Variants in PTBP3 observed in about 807,000 individuals in gnomAD.
PTBP3 encodes the protein polypyrimidine tract-binding protein 3.
In PTBP3, 20 loss-of-function variants were observed where a neutral mutation model predicts 58.7. That is an observed-to-expected ratio of 0.34 (90% CI 0.24 to 0.50). The LOEUF is 0.50. PTBP3 is among the 20% of genes least tolerant of loss of function. The probability of loss-of-function intolerance (pLI) is 0.98; values close to 1 mark genes in which losing one functional copy is unlikely to be tolerated. For missense variants in PTBP3, 509 were observed against 637.2 expected, an observed-to-expected ratio of 0.80 and a Z score of 2.17; for synonymous variants, 185 against 219.8, an observed-to-expected ratio of 0.84 and a Z score of 1.40.
chr9:112,356,790 G>A, the PTBP3 span, among the ~76,000 whole-genome samples: 1 of 22,384 alleles, frequency 4.5e-5, no homozygotes, highest in African/African-American at 2.6e-4. Context: ...AGACAATTGC[G>A]TGTGCGCACA....
intron 2 of PTBP3, among the ~76,000 whole-genome samples, chr9:112,280,204 A>C (rs760968711): frequency 1.3e-5 from 2 of 151,984 alleles, no homozygotes; most frequent in Non-Finnish European, 2.9e-5. Flanking sequence ...ATAGGTGCAC[A>C]CCACCACGCC....
At chr9:112,218,051 CA>C (rs1199976000), downstream of PTBP3, 3 of 152,076 alleles carry the variant, frequency 2.0e-5, no homozygotes, top group Admixed American at 6.5e-5. Flanking sequence ...AAATACTGAA[CA>C]AAACTGGAAA....
At chr9:112,306,604 A>ATATATAT (rs1341386115) in intron 1 of PTBP3, among the ~76,000 whole-genome samples, 3 of 104,040 alleles carry the variant, frequency 2.9e-5, no homozygotes, top group South Asian at 2.8e-4. Context: ...ATATATATAT[A>ATATATAT]TTTTTGTTTG....
intron 7 of PTBP3, among the ~76,000 whole-genome samples, chr9:112,249,643 A>G (rs1435273395): frequency 6.6e-6 from 1 of 152,130 alleles, no homozygotes; most frequent in Non-Finnish European, 1.5e-5. Flanking sequence ...CATTAATGAG[A>G]AAGGATATGA....
chr9:112,318,434 A>T (rs557391746), intron 1 of PTBP3, among the ~76,000 whole-genome samples: 1 of 152,340 alleles, frequency 6.6e-6, no homozygotes, highest in Admixed American at 6.5e-5. Context: ...GAAAACAACA[A>T]AACAACATTG....
In PTBP3 at chr9:112,222,460, A is replaced by T; in HGVS notation, c.*1391T>A. On this transcript the variant is annotated 3_prime_UTR_variant, in exon 14 of 14. Transcript: ENST00000374257. ...AGAAAAACCAAGTAATCCTGAGACA[A>T]ATTCTGATGGGTGAAAAAGATGAAA... 1 of 985,572 alleles carries T rather than the reference A, an allele frequency of 1.0e-6. No homozygotes were observed. Among genetic ancestry groups the T allele is most frequent in the Non-Finnish European group, 1.2e-6 (1 of 829,926 alleles). 61.1% of individuals were successfully genotyped at this position (985,572 alleles called of 1,614,324 possible). A position where few individuals can be genotyped will look rare whatever the true frequency, so the allele number is the denominator to read the frequency against.
chr9:112,248,456 C>T (rs916537399), intron 7 of PTBP3, among the ~76,000 whole-genome samples: 1 of 151,652 alleles, frequency 6.6e-6, no homozygotes, highest in African/African-American at 2.4e-5. Context: ...ATGGGTGCAC[C>T]GAAATCTCAG....
intron 3 of PTBP3, among the ~76,000 whole-genome samples, chr9:112,273,498 C>T (rs1770546633): frequency 6.6e-6 from 1 of 152,162 alleles, no homozygotes; most frequent in South Asian, 2.1e-4. Flanking sequence ...TAAGAACATA[C>T]TCAATTTCTA....
At chr9:112,352,941 C>T in the PTBP3 span, among the ~76,000 whole-genome samples, 1 of 150,750 alleles carries the variant, frequency 6.6e-6, no homozygotes, top group African/African-American at 2.4e-5. Context: ...TCTGCTCTTT[C>T]CCAGGCTGGA....
intron 6 of PTBP3, among the ~76,000 whole-genome samples, chr9:112,251,690 T>C (rs558429777): frequency 1.3e-5 from 2 of 152,212 alleles, no homozygotes; most frequent in Admixed American, 6.5e-5. Context: ...ACCCCTTCCT[T>C]TGCAAGAATA....
chr9:112,374,462 A>G, the PTBP3 span, among the ~76,000 whole-genome samples: 2 of 152,126 alleles, frequency 1.3e-5, no homozygotes, highest in African/African-American at 4.8e-5. Context: ...GCTATGGGAG[A>G]AACAGTACCA....
the PTBP3 span, among the ~76,000 whole-genome samples, chr9:112,372,724 T>C: frequency 3.9e-5 from 6 of 152,188 alleles, no homozygotes; most frequent in African/African-American, 1.4e-4. Context: ...TTCATTCATA[T>C]TTTAGCATGT....
At chr9:112,270,838 G>A (rs568748184) in intron 3 of PTBP3, among the ~76,000 whole-genome samples, 3 of 152,192 alleles carry the variant, frequency 2.0e-5, no homozygotes, top group Admixed American at 1.3e-4. Context: ...TGTTTTTTGA[G>A]TAGGAGTCTT....
intron 1 of PTBP3, among the ~76,000 whole-genome samples, chr9:112,314,670 C>G (rs1209703675): frequency 6.6e-6 from 1 of 151,786 alleles, no homozygotes; most frequent in Non-Finnish European, 1.5e-5. Flanking sequence ...CAAAACAAAA[C>G]AAAACAAAAA....
chr9:112,318,844 T>C (rs1564460149), intron 1 of PTBP3, among the ~76,000 whole-genome samples: 2 of 151,012 alleles, frequency 1.3e-5, no homozygotes. Flanking sequence ...ATTTCATTTA[T>C]GGGCCGGGCA....
intron 1 of PTBP3, among the ~76,000 whole-genome samples, chr9:112,321,264 G>A (rs1829935857): frequency 1.3e-5 from 2 of 152,256 alleles, no homozygotes; most frequent in South Asian, 4.1e-4. Flanking sequence ...GGGCATGGTG[G>A]CTCATACCTG....
At chr9:112,310,136 C>T (rs996266092) in intron 1 of PTBP3, among the ~76,000 whole-genome samples, 1 of 152,122 alleles carries the variant, frequency 6.6e-6, no homozygotes, top group Non-Finnish European at 1.5e-5. Flanking sequence ...CATTTTTATT[C>T]CAAGACTGCC....
chr9:112,310,659 A>G (rs903192362), intron 1 of PTBP3, among the ~76,000 whole-genome samples: 1 of 152,258 alleles, frequency 6.6e-6, no homozygotes, highest in Admixed American at 6.5e-5. Context: ...CAAAGTAAGT[A>G]AATTATGTAT....
In PTBP3 at chr9:112,322,104, CAGCCT is replaced by C. The variant is rs577261959; in HGVS notation, c.-52+11361_-52+11365del. Among the ~76,000 whole-genome samples the C allele has an allele frequency of 1.9e-3, 237 of 121,690 alleles. 1 individual carries two copies. The highest frequency in any genetic ancestry group is 7.4e-3 in the African/African-American group (231 of 31,256). The allele number at this position is 121,690 out of a possible 152,430, so 79.8% of individuals were successfully genotyped here. ...GAGCTGAGATCGTGCCATTGCACTCCAGCCTAGGAGACAGAGCGAGACTCCATCTC... is the reference window on the plus strand; with the variant it reads ...GAGCTGAGATCGTGCCATTGCACTCCAGGAGACAGAGCGAGACTCCATCTC... On this transcript the variant is annotated intron_variant, in intron 1 of 13. Transcript: ENST00000374257.
Sources: allele counts gnomAD v4.1 joint callset (sites outside exome capture counted in the v4.1 genomes callset), GRCh38; gene constraint gnomAD v4.1.1; transcripts MANE v1.5; gene names NCBI Gene and HGNC (gene_info 2026-07-23, HGNC 2026-07-21).